The following TSPEAR variants were observed in gnomAD, a reference collection of about 807,000 sequenced individuals.
The protein encoded by TSPEAR is thrombospondin type laminin G domain and EAR repeats.
TSPEAR carries 69 observed loss-of-function variants against 71.6 expected under a neutral mutation model. The observed-to-expected ratio is 0.96, with a 90% CI of 0.79 to 1.18. TSPEAR has a LOEUF of 1.18. Ranked by LOEUF, TSPEAR falls within the 50% of genes most tolerant of loss-of-function variation. The pLI is 0.00. For missense variants in TSPEAR, 971 were observed against 894.9 expected (o/e 1.09, Z -1.09); for synonymous variants, 402 against 387.2 (o/e 1.04, Z -0.45).
chr21:44,601,500 C>T (rs782661081), intron 1 of TSPEAR: 8 of 1,612,822 alleles, frequency 5.0e-6, no homozygotes, highest in South Asian at 4.4e-5. Flanking sequence ...AGTCTAGCTG[C>T]CAGCCGGCTT....
intron 1 of TSPEAR, among the ~76,000 whole-genome samples, chr21:44,651,388 G>A (rs587601661): frequency 1.3e-5 from 2 of 152,296 alleles, no homozygotes; most frequent in East Asian, 1.9e-4. Flanking sequence ...TAGTAGCTTC[G>A]AACAACACGA....
rs149657312 is a variant in TSPEAR at position 44,544,823 on chromosome 21, G to A, written c.304-10900C>T. Among the ~76,000 whole-genome samples, 232 of 152,252 alleles carry A rather than the reference G, an allele frequency of 1.5e-3. 1 individual carries two copies. Among genetic ancestry groups the A allele is most frequent in the African/African-American group, 4.7e-3 (196 of 41,548 alleles). On this transcript the variant is annotated intron_variant, in intron 2 of 11. Transcript: ENST00000323084. ...TGTCATGCAGAAGCTGGAGCAGACTGATCAGCAGGGGCTGGGCCCACAGGA... is the reference window on the plus strand; with the variant it reads ...TGTCATGCAGAAGCTGGAGCAGACTAATCAGCAGGGGCTGGGCCCACAGGA...
Position 44,522,223 on chromosome 21 carries a change from C to T in TSPEAR, c.1337-111G>A, listed in dbSNP as rs587634035. On this transcript the variant is annotated intron_variant, in intron 8 of 11. Coordinates refer to ENST00000323084, the MANE Select transcript of TSPEAR (RefSeq NM_144991.3). Reference sequence around the variant, plus strand: ...TCCCTCCCCGAGGACCGAAGACCCACGAGGACAAGGCCAACCGCTGGGGAC... The same window carrying T: ...TCCCTCCCCGAGGACCGAAGACCCATGAGGACAAGGCCAACCGCTGGGGAC... 3.6e-5 allele frequency: 39 copies of T among 1,080,774 alleles called. No homozygotes were observed. In the African/African-American group the frequency reaches 5.1e-4, roughly 14 times the overall value. 66.9% of individuals were successfully genotyped at this position (1,080,774 alleles called of 1,614,324 possible). A position where few individuals can be genotyped will look rare whatever the true frequency, so the allele number is the denominator to read the frequency against.
rs1842319877 is a variant in TSPEAR, at chr21:44,695,732, C to T, written c.82+15701G>A. 1.3e-5 allele frequency among the ~76,000 whole-genome samples: 2 copies of T among 152,184 alleles called. No individual in the cohort carries two copies. Among genetic ancestry groups the T allele is most frequent in the Admixed American group, 6.5e-5 (1 of 15,280 alleles). ...CTCCACGCCAGGGTTCTCATCTCAC[C>T]GCAGCGGGACAGGGGTACACGCCAC... On this transcript the variant is annotated intron_variant, in intron 1 of 11. Transcript: ENST00000323084. The surrounding 1 kb of genome is among the most constrained non-coding windows in gnomAD (Gnocchi z 4.5).
chr21:44,696,406 C>A (rs189577035), intron 1 of TSPEAR, among the ~76,000 whole-genome samples: 12 of 152,208 alleles, frequency 7.9e-5, no homozygotes, highest in Non-Finnish European at 1.6e-4. Flanking sequence ...GCTGGTGCAG[C>A]CTTTTGCACA....
At chr21:44,653,075 G>A (rs146246696) in intron 1 of TSPEAR, among the ~76,000 whole-genome samples, 401 of 152,224 alleles carry the variant, frequency 2.6e-3, no homozygotes, top group East Asian at 0.014. Flanking sequence ...GAAGAATGGC[G>A]TGAACTTGGG....
At chr21:44,557,222 C>T (rs1555919959) in intron 2 of TSPEAR, among the ~76,000 whole-genome samples, 1 of 152,098 alleles carries the variant, frequency 6.6e-6, no homozygotes, top group Non-Finnish European at 1.5e-5. Flanking sequence ...CAAAAGAAAA[C>T]ACACCTGTCT....
intron 1 of TSPEAR, chr21:44,627,990 C>A (rs200392396): frequency 1.4e-5 from 22 of 1,611,048 alleles, no homozygotes; most frequent in Non-Finnish European, 1.8e-5. Context: ...TTCTCTGCCG[C>A]CCTGTGTGCT....
Position 44,677,982 on chromosome 21 carries a change from A to G in TSPEAR, c.82+33451T>C, listed in dbSNP as rs913446274. On this transcript the variant is annotated intron_variant, in intron 1 of 11. Transcript: ENST00000323084. ...AGTAGTCAACCACAGAGCTGCCTGA[A>G]GTAGAGTATCGGCGGCATGGTCACA... The G allele has an allele frequency of 2.2e-4, 240 of 1,104,896 alleles. 2 individuals are homozygous for G. The highest frequency in any genetic ancestry group is 3.7e-5 in the Non-Finnish European group (27 of 725,644). The allele number at this position is 1,104,896 out of a possible 1,614,324, so 68.4% of individuals were successfully genotyped here. A position where few individuals can be genotyped will look rare whatever the true frequency, so the allele number is the denominator to read the frequency against.
intron 1 of TSPEAR, among the ~76,000 whole-genome samples, chr21:44,699,186 G>A (rs1335749425): frequency 6.6e-6 from 1 of 151,894 alleles, no homozygotes; most frequent in Non-Finnish European, 1.5e-5. Context: ...GACAGAGTGA[G>A]ACCCTGTCTC....
intron 1 of TSPEAR, among the ~76,000 whole-genome samples, chr21:44,650,295 C>A (rs1231499887): frequency 1.3e-5 from 2 of 152,136 alleles, no homozygotes; most frequent in Non-Finnish European, 2.9e-5. Flanking sequence ...GAAACAGGAC[C>A]TTTGCAGATG....
At chr21:44,556,345 T>C (rs781787516) in intron 2 of TSPEAR, among the ~76,000 whole-genome samples, 1 of 151,522 alleles carries the variant, frequency 6.6e-6, no homozygotes, top group Non-Finnish European at 1.5e-5. Flanking sequence ...CACTGCACTC[T>C]AGCCTGGCAA....
At chr21:44,576,776 C>T (rs1234221653) in intron 1 of TSPEAR, among the ~76,000 whole-genome samples, 3 of 152,142 alleles carry the variant, frequency 2.0e-5, no homozygotes, top group Non-Finnish European at 4.4e-5. Context: ...TGAGAAACCA[C>T]TAAAAACCAA....
intron 2 of TSPEAR, among the ~76,000 whole-genome samples, chr21:44,535,519 C>T (rs1381095779): frequency 1.3e-5 from 2 of 152,172 alleles, no homozygotes; most frequent in Non-Finnish European, 2.9e-5. Context: ...GATGGTGGTC[C>T]TGTAAGATTG....
rs115166108 is a variant in TSPEAR, at chr21:44,647,987, G to A, written c.82+63446C>T. Among the ~76,000 whole-genome samples the A allele has an allele frequency of 2.3e-3, 352 of 152,302 alleles. 4 individuals are homozygous for A. The highest frequency in any genetic ancestry group is 8.0e-3 in the African/African-American group (334 of 41,564). On this transcript the variant is annotated intron_variant, in intron 1 of 11. Coordinates refer to ENST00000323084, the MANE Select transcript of TSPEAR (RefSeq NM_144991.3). ...TGAGTCGGGAAGAAGCAGAAATCCC[G>A]TTCAGTTGGGACCTGAGAGCCCCAG...
intron 3 of TSPEAR, among the ~76,000 whole-genome samples, chr21:44,532,114 C>T (rs1325358443): frequency 1.3e-5 from 2 of 152,338 alleles, no homozygotes; most frequent in Middle Eastern, 3.4e-3. Flanking sequence ...CTGTACCCTC[C>T]GTAGCAGCCT....
At chr21:44,553,965 T>C (rs1195771447) in intron 2 of TSPEAR, among the ~76,000 whole-genome samples, 10 of 152,212 alleles carry the variant, frequency 6.6e-5, no homozygotes, top group Non-Finnish European at 1.2e-4. Context: ...AGCGATGTAT[T>C]TTCACAAAAG....
intron 1 of TSPEAR, among the ~76,000 whole-genome samples, chr21:44,581,765 A>AT (rs782629656): frequency 1.1e-3 from 173 of 152,290 alleles, no homozygotes; most frequent in Non-Finnish European, 1.9e-3. Context: ...GCTCACTGTA[A>AT]TGATGTTATG....
At chr21:44,535,437 A>G (rs1555916280) in intron 2 of TSPEAR, among the ~76,000 whole-genome samples, 2 of 152,244 alleles carry the variant, frequency 1.3e-5, no homozygotes, top group Non-Finnish European at 2.9e-5. Context: ...TAAAGCAGGT[A>G]TGAAAACAGT....
Sources: gnomAD v4.1 joint callset for allele counts (sites outside exome capture counted in the v4.1 genomes callset) on GRCh38, gnomAD v4.1.1 for gene constraint, Gnocchi (gnomAD v3.1) non-coding constraint, MANE v1.5 for transcripts, NCBI Gene and HGNC (gene_info 2026-07-23, HGNC 2026-07-21) for gene names.